Variants in SCML1 observed in about 807,000 individuals in gnomAD.
The protein encoded by SCML1 is sex comb on midleg-like protein 1.
For synonymous variants in SCML1, 104 were observed against 103.6 expected (o/e 1.00, Z -0.02); for missense variants, 137 against 258.1 (o/e 0.53, Z 3.22).
At chrX:17,745,678 C>G (rs2066636282) in intron 3 of SCML1, 139 bp downstream of exon 3, 2 of 420,376 alleles carry the variant, frequency 4.8e-6, no homozygotes, top group Non-Finnish European at 8.2e-6. Context: ...TGCTTGCTTT[C>G]ATCAGAGAAT....
chrX:17,744,121 C>T lies in SCML1; in HGVS notation c.-66C>T, dbSNP rs1258243980. 7 of 996,095 alleles carry T rather than the reference C, an allele frequency of 7.0e-6. No homozygotes were observed. Among genetic ancestry groups the T allele is most frequent in the Non-Finnish European group, 9.9e-6 (7 of 703,781 alleles). 82.1% of individuals were successfully genotyped at this position (996,095 alleles called of 1,213,427 possible). A position where few individuals can be genotyped will look rare whatever the true frequency, so the allele number is the denominator to read the frequency against. On this transcript the variant is annotated 5_prime_UTR_variant, in exon 2 of 8. Transcript: ENST00000380041. ...GACTAAGCAGTATCACAAATAAACC[C>T]TCCAGCAAGTTTAAAAATAATTAGG...
At chrX:17,739,144 A>G (rs1427249911) in intron 1 of SCML1, among the ~76,000 whole-genome samples, 1 of 111,757 alleles carries the variant, frequency 8.9e-6, no homozygotes, top group Non-Finnish European at 1.9e-5. Context: ...TATGGAAAGA[A>G]GTGAAAAGGA....
intron 4 of SCML1, among the ~76,000 whole-genome samples, chrX:17,748,806 C>T (rs757585995): frequency 8.9e-6 from 1 of 111,890 alleles, no homozygotes; most frequent in South Asian, 3.7e-4. Flanking sequence ...AATTCTCAGA[C>T]TTTTATCAGT....
chrX:17,749,865 T>C, intron 5 of SCML1, 29 bp from the exon 6 acceptor site: 1 of 1,165,665 alleles, frequency 8.6e-7, no homozygotes, highest in South Asian at 2.0e-5. Context: ...TACTCACTGT[T>C]GGTTTATGCT....
At chrX:17,745,425 C>T in intron 2 of SCML1, 31 bp from the exon 3 acceptor site, 1 of 881,714 alleles carries the variant, frequency 1.1e-6, no homozygotes, top group Non-Finnish European at 1.7e-6. Context: ...CTTTCATCTT[C>T]CCTTTTAATT....
intron 3 of SCML1, 186 bp downstream of exon 3, chrX:17,745,725 A>G (rs2066636869): frequency 1.1e-5 from 4 of 376,222 alleles, no homozygotes; most frequent in Non-Finnish European, 4.6e-6. Flanking sequence ...TTTTTCTTAT[A>G]TAGTAGAAAA....
At chrX:17,743,289 G>T (rs1013581717) in intron 1 of SCML1, among the ~76,000 whole-genome samples, 1 of 111,866 alleles carries the variant, frequency 8.9e-6, no homozygotes, top group African/African-American at 3.3e-5. Context: ...AAACAGGAAA[G>T]AGATGAAACC....
chrX:17,747,243 G>A (rs1162465900), intron 4 of SCML1, among the ~76,000 whole-genome samples: 1 of 111,361 alleles, frequency 9.0e-6, no homozygotes, highest in Non-Finnish European at 1.9e-5. Context: ...GACCAGGGCT[G>A]ACACCCTTGC....
At position 17,745,549 on chromosome X, in the gene SCML1, T is replaced by A; in HGVS notation, c.117+10T>A. On this transcript the variant is annotated intron_variant, in intron 3 of 7. Coordinates refer to ENST00000380041, the MANE Select transcript of SCML1 (RefSeq NM_001037540.3). Reference sequence around the variant, plus strand: ...TGAATTTGTCAATAAAGTATGTTAATTGCTAATTGCCAAATATATTAACAT... The same window carrying A: ...TGAATTTGTCAATAAAGTATGTTAAATGCTAATTGCCAAATATATTAACAT... The A allele has an allele frequency of 1.0e-6, 1 of 964,265 alleles. No homozygotes were observed. The highest frequency in any genetic ancestry group is 1.9e-5 in the African/African-American group (1 of 52,445). 79.5% of individuals were successfully genotyped at this position (964,265 alleles called of 1,213,427 possible).
intron 7 of SCML1, 137 bp downstream of exon 7, chrX:17,752,103 G>A (rs773181705): frequency 5.8e-5 from 40 of 691,034 alleles, no homozygotes; most frequent in Admixed American, 9.0e-5. Flanking sequence ...AGCTTATTTT[G>A]CCCAAGGTTA....
chrX:17,747,750 T>C (rs186099845), intron 4 of SCML1, among the ~76,000 whole-genome samples: 2 of 111,522 alleles, frequency 1.8e-5, no homozygotes, highest in East Asian at 5.7e-4. Flanking sequence ...TTGGACCGGG[T>C]GTAGTGTAGT....
chrX:17,747,047 G>A (rs2066648897), intron 4 of SCML1, among the ~76,000 whole-genome samples: 1 of 111,795 alleles, frequency 8.9e-6, no homozygotes, highest in African/African-American at 3.3e-5. Context: ...ATCCTGCTTA[G>A]TCTGGAAGCA....
chrX:17,745,400 T>C (rs1193805698), intron 2 of SCML1, 56 bp from the exon 3 acceptor site: 3 of 732,272 alleles, frequency 4.1e-6, no homozygotes, highest in Non-Finnish European at 6.3e-6. Flanking sequence ...CCCTCAACTT[T>C]TCTTTTAGTT....
Position 17,746,076 on chromosome X carries a change from A to G in SCML1, c.176A>G (p.Asp59Gly). The G allele has an allele frequency of 8.5e-7, 1 of 1,171,048 alleles. No individual in the cohort carries two copies. Among genetic ancestry groups the G allele is most frequent in the Non-Finnish European group, 1.2e-6 (1 of 864,531 alleles). The change falls in exon 4 of 8, where the codon GAT becomes GGT. Residue 59 changes from aspartate (D) to glycine (G), a missense_variant. Transcript: ENST00000380041. ...ACTGAAGAGCAACTGAAGACAGTTG[A>G]TGATGTCCTTATTCATTGCCAGGTA... The part of the protein sequence containing the change: ...CNTEEQLKTV[D>G]DVLIHCQVIY...
chrX:17,751,053 T>C (rs778604573), intron 6 of SCML1, among the ~76,000 whole-genome samples: 103 of 112,578 alleles, frequency 9.1e-4, no homozygotes, highest in African/African-American at 2.7e-3. Flanking sequence ...AGTTATTTTT[T>C]AAACATATAA....
chrX:17,740,904 C>T (rs1254862932), intron 1 of SCML1, among the ~76,000 whole-genome samples: 1 of 112,279 alleles, frequency 8.9e-6, no homozygotes, highest in Non-Finnish European at 1.9e-5. Context: ...GAGATGTAAA[C>T]ATGTTGGGAG....
In SCML1 at chrX:17,737,563, C is replaced by A. The variant is rs1413942947; in HGVS notation, c.-234C>A. 9.1e-6 allele frequency: 1 copy of A among 109,932 alleles called. No individual in the cohort carries two copies. Among genetic ancestry groups the A allele is most frequent in the Non-Finnish European group, 1.9e-5 (1 of 52,648 alleles). 9.1% of individuals were successfully genotyped at this position (109,932 alleles called of 1,213,427 possible). A position where few individuals can be genotyped will look rare whatever the true frequency, so the allele number is the denominator to read the frequency against. On this transcript the variant is annotated 5_prime_UTR_variant, in exon 1 of 8. Coordinates refer to ENST00000380041, the MANE Select transcript of SCML1 (RefSeq NM_001037540.3). ...CCCGGTTTCCGGTGCCAGGACCTTT[C>A]CGAAGCGTCGAGTGGCCTAACGGTC...
In SCML1 at chrX:17,746,053, T is replaced by C; in HGVS notation, c.153T>C (p.Thr51=). ...TTGTATCTGACGCATCCTGTAATAC[T>C]GAAGAGCAACTGAAGACAGTTGATG... is the stretch of plus-strand genomic sequence containing the variant. ...PNIVSDASCN[T]EEQLKTVDDV... is the part of the protein sequence containing the mutation. The change falls in exon 4 of 8, where the codon ACT becomes ACC. Residue 51 remains threonine, a synonymous_variant. Coordinates refer to ENST00000380041, the MANE Select transcript of SCML1 (RefSeq NM_001037540.3). 2 of 1,189,181 alleles carry C rather than the reference T, an allele frequency of 1.7e-6. No homozygotes were observed. The highest frequency in any genetic ancestry group is 2.2e-5 in the Admixed American group (1 of 45,155).
intron 4 of SCML1, among the ~76,000 whole-genome samples, chrX:17,748,837 G>A (rs780568014): frequency 1.2e-4 from 13 of 112,063 alleles, no homozygotes; most frequent in Non-Finnish European, 1.3e-4. Flanking sequence ...TTCGATTGGC[G>A]CGTAAGAGAT....
Sources: gnomAD v4.1 joint callset for allele counts (sites outside exome capture counted in the v4.1 genomes callset) on GRCh38, gnomAD v4.1.1 for gene constraint, MANE v1.5 for transcripts, NCBI Gene and HGNC (gene_info 2026-07-23, HGNC 2026-07-21) for gene names.